Variants in ABHD2 observed in about 807,000 individuals in gnomAD.
ABHD2 encodes monoacylglycerol lipase ABHD2.
Under a neutral mutation model 48.1 loss-of-function variants are expected in ABHD2, and 20 were observed. The ratio of observed to expected loss-of-function variants is 0.42; its 90% CI spans 0.29 to 0.60. The LOEUF (loss-of-function observed/expected upper bound fraction) is 0.60. ABHD2 is among the 20% of genes least tolerant of loss of function. The pLI, the probability that ABHD2 is intolerant of heterozygous loss-of-function variation, is 0.24. For missense variants in ABHD2, 405 were observed against 550.9 expected (o/e 0.74, Z 2.65); for synonymous variants, 209 against 214.2 (o/e 0.98, Z 0.21).
At chr15:89,052,382 C>G in the ABHD2 span, among the ~76,000 whole-genome samples, 2 of 152,082 alleles carry the variant, frequency 1.3e-5, no homozygotes, top group Non-Finnish European at 2.9e-5. Context: ...GAAATAAATT[C>G]TAAATTACTA....
chr15:89,170,120 G>A (rs1469608607), intron 5 of ABHD2, among the ~76,000 whole-genome samples: 3 of 95,828 alleles, frequency 3.1e-5, no homozygotes, highest in East Asian at 4.7e-4. Context: ...TTTTGGAGAC[G>A]GGGTCTCACT....
At chr15:89,161,245 C>T (rs1193402292) in intron 5 of ABHD2, among the ~76,000 whole-genome samples, 3 of 152,230 alleles carry the variant, frequency 2.0e-5, no homozygotes, top group Middle Eastern at 3.4e-3. Context: ...TTATTACAGA[C>T]ATTTCAAAAT....
At chr15:89,147,313 A>G (rs1026801797) in intron 3 of ABHD2, among the ~76,000 whole-genome samples, 9 of 148,904 alleles carry the variant, frequency 6.0e-5, no homozygotes, top group African/African-American at 2.2e-4. Flanking sequence ...AGAAGGAAAC[A>G]TTGGGAATTA....
At chr15:89,140,331 C>T (rs1267407020) in intron 3 of ABHD2, among the ~76,000 whole-genome samples, 1 of 152,170 alleles carries the variant, frequency 6.6e-6, no homozygotes. Context: ...GAGTAAGTTC[C>T]AGGCAAATAC....
In ABHD2 at chr15:89,177,564, G is replaced by A. The variant is rs1423386670; in HGVS notation, c.722+1569G>A. ...AGTTTAGTTACGTTTAGCAGTCCCC[G>A]GGGTTAGTGACCTCAGTGGTCTCTC... On this transcript the variant is annotated intron_variant, in intron 6 of 10. Transcript: ENST00000352732. This position sits in a 1 kb window ranked among gnomAD's most constrained non-coding sequence, Gnocchi z 5.6. Among the ~76,000 whole-genome samples the A allele has an allele frequency of 2.6e-5, 4 of 152,146 alleles. No homozygotes were observed.
In ABHD2 at chr15:89,166,119, A is replaced by G. The variant is rs1346255417; in HGVS notation, c.539-9693A>G. On this transcript the variant is annotated intron_variant, in intron 5 of 10. Coordinates refer to ENST00000352732, the MANE Select transcript of ABHD2 (RefSeq NM_152924.5). This position sits in a 1 kb window ranked among gnomAD's most constrained non-coding sequence, Gnocchi z 4.6. ...TTATTAGTTTGATCTTGATTTAAAGAGAGAAAAAAATAGGATTAAAAACAA... is the reference window on the plus strand; with the variant it reads ...TTATTAGTTTGATCTTGATTTAAAGGGAGAAAAAAATAGGATTAAAAACAA... Among the ~76,000 whole-genome samples the G allele has an allele frequency of 6.7e-6, 1 of 149,818 alleles. No homozygotes were observed. Among genetic ancestry groups the G allele is most frequent in the Non-Finnish European group, 1.5e-5 (1 of 68,014 alleles).
chr15:89,077,296 G>A, the ABHD2 span, among the ~76,000 whole-genome samples: 1 of 152,148 alleles, frequency 6.6e-6, no homozygotes, highest in Non-Finnish European at 1.5e-5. Context: ...TATGCTGGTG[G>A]CATGCTTATC....
At chr15:89,165,024 C>G (rs528989929) in intron 5 of ABHD2, among the ~76,000 whole-genome samples, 18 of 152,198 alleles carry the variant, frequency 1.2e-4, no homozygotes, top group Non-Finnish European at 2.4e-4. Flanking sequence ...AGAACCTGCT[C>G]GTGTTGAGCA....
At chr15:89,136,401 G>T in intron 3 of ABHD2, 1 of 512,732 alleles carries the variant, frequency 2.0e-6, no homozygotes, top group Non-Finnish European at 3.8e-6. Flanking sequence ...TGAAGCATCT[G>T]GATGTTTGTT....
Position 89,115,393 on chromosome 15 carries a change from T to C in ABHD2, c.-6-929T>C, listed in dbSNP as rs924967859. ...GTATGTGTGTGTGTGTGTGTGTGTGTGTGTGTGTGTGTGTGTGTGTGTGTG... is the reference window on the plus strand; with the variant it reads ...GTATGTGTGTGTGTGTGTGTGTGTGCGTGTGTGTGTGTGTGTGTGTGTGTG... On this transcript the variant is annotated intron_variant, in intron 2 of 10. Coordinates refer to ENST00000352732, the MANE Select transcript of ABHD2 (RefSeq NM_152924.5). 6.9e-5 allele frequency among the ~76,000 whole-genome samples: 8 copies of C among 116,328 alleles called. 1 individual carries two copies. The highest frequency in any genetic ancestry group is 1.6e-4 in the Non-Finnish European group (8 of 49,450). The allele number at this position is 116,328 out of a possible 152,430, so 76.3% of individuals were successfully genotyped here.
chr15:89,151,027 C>T lies in ABHD2; in HGVS notation c.195-650C>T, dbSNP rs563344465. 6.6e-6 allele frequency among the ~76,000 whole-genome samples: 1 copy of T among 152,358 alleles called. No individual in the cohort carries two copies. Among genetic ancestry groups the T allele is most frequent in the South Asian group, 2.1e-4 (1 of 4,828 alleles). The stretch of plus-strand genomic sequence containing the variant: ...TGTTTTTACAATGCACCGTTGTTAG[C>T]GAGGCTTCATGCCTTGCGTAGGCTA... On this transcript the variant is annotated intron_variant, in intron 3 of 10. Transcript: ENST00000352732. This position sits in a 1 kb window ranked among gnomAD's most constrained non-coding sequence, Gnocchi z 4.7.
chr15:89,144,825 T>C (rs1474580868), intron 3 of ABHD2, among the ~76,000 whole-genome samples: 1 of 152,222 alleles, frequency 6.6e-6, no homozygotes, highest in African/African-American at 2.4e-5. Context: ...GACTTTAAAA[T>C]GTTATATGTA....
In ABHD2 at chr15:89,116,062, G is replaced by C. The variant is rs1190316997; in HGVS notation, c.-6-260G>C. On this transcript the variant is annotated intron_variant, in intron 2 of 10. Coordinates refer to ENST00000352732, the MANE Select transcript of ABHD2 (RefSeq NM_152924.5). This position sits in a 1 kb window ranked among gnomAD's most constrained non-coding sequence, Gnocchi z 4.6. ...TCAATTTTCTGATTTGCTCATCTTAGAAATGCTTGTGAAATTATAAAAAGA... is the reference window on the plus strand; with the variant it reads ...TCAATTTTCTGATTTGCTCATCTTACAAATGCTTGTGAAATTATAAAAAGA... Among the ~76,000 whole-genome samples, 1 of 152,206 alleles carries C rather than the reference G, an allele frequency of 6.6e-6. No homozygotes were observed.
At chr15:89,098,851 A>T (rs2049656159) in intron 1 of ABHD2, among the ~76,000 whole-genome samples, 2 of 152,226 alleles carry the variant, frequency 1.3e-5, no homozygotes, top group Admixed American at 6.5e-5. Flanking sequence ...ACTTTGCCAC[A>T]AAAGAGCTTA....
intron 3 of ABHD2, among the ~76,000 whole-genome samples, chr15:89,117,207 G>A (rs1036116481): frequency 6.6e-6 from 1 of 152,182 alleles, no homozygotes; most frequent in South Asian, 2.1e-4. Context: ...TGTATTTTTA[G>A]TAGAGACGGG....
In ABHD2 at chr15:89,164,092, T is replaced by C. The variant is rs2050801414; in HGVS notation, c.538+8558T>C. On this transcript the variant is annotated intron_variant, in intron 5 of 10. Transcript: ENST00000352732. The surrounding 1 kb of genome is among the most constrained non-coding windows in gnomAD (Gnocchi z 5.0). ...AGAATTGGACCTGTGGGTTTGGTCTTTGATCTTTTGTTCAGCCAGCATCCT... is the reference window on the plus strand; with the variant it reads ...AGAATTGGACCTGTGGGTTTGGTCTCTGATCTTTTGTTCAGCCAGCATCCT... Among the ~76,000 whole-genome samples the C allele has an allele frequency of 6.6e-6, 1 of 152,212 alleles. No homozygotes were observed. Among genetic ancestry groups the C allele is most frequent in the African/African-American group, 2.4e-5 (1 of 41,460 alleles).
At chr15:89,065,431 G>C in the ABHD2 span, among the ~76,000 whole-genome samples, 2 of 152,162 alleles carry the variant, frequency 1.3e-5, no homozygotes, top group Admixed American at 6.5e-5. Context: ...GGGAGGTCCT[G>C]ACCTCTGGTG....
intron 4 of ABHD2, among the ~76,000 whole-genome samples, 156 bp downstream of exon 4, chr15:89,152,008 T>C (rs942469641): frequency 6.6e-6 from 1 of 152,104 alleles, no homozygotes; most frequent in Admixed American, 6.5e-5. Flanking sequence ...AGGAGCAGCC[T>C]GCAAAGGTTA....
At chr15:89,095,646 A>C (rs1240303005) in intron 1 of ABHD2, among the ~76,000 whole-genome samples, 1 of 152,204 alleles carries the variant, frequency 6.6e-6, no homozygotes, top group Non-Finnish European at 1.5e-5. Context: ...GTAATGGCCC[A>C]GATGGCTTCT....
Sources: allele counts gnomAD v4.1 joint callset (sites outside exome capture counted in the v4.1 genomes callset), GRCh38; gene constraint gnomAD v4.1.1; non-coding constraint Gnocchi (gnomAD v3.1); transcripts MANE v1.5; gene names NCBI Gene and HGNC (gene_info 2026-07-23, HGNC 2026-07-21).